Variants in ARHGAP39 observed in about 807,000 individuals in gnomAD.
The protein encoded by ARHGAP39 is Rho GTPase activating protein 39.
A neutral mutation model predicts 106.9 loss-of-function variants in ARHGAP39; 44 were observed. That is an observed-to-expected ratio of 0.41 (90% CI 0.32 to 0.53). ARHGAP39 has a LOEUF of 0.53. Among genes scored for constraint, ARHGAP39 ranks in the 20% least tolerant of loss-of-function variants. The probability of loss-of-function intolerance (pLI) is 0.21; values close to 1 mark genes in which losing one functional copy is unlikely to be tolerated. For synonymous variants in ARHGAP39, 768 were observed against 693.2 expected (o/e 1.11, Z -1.69); for missense variants, 1,496 against 1,577.3 (o/e 0.95, Z 0.87).
At chr8:144,562,305 G>C (rs139106592) in intron 3 of ARHGAP39, among the ~76,000 whole-genome samples, 21 of 61,536 alleles carry the variant, frequency 3.4e-4, no homozygotes, top group South Asian at 2.0e-3. Context: ...GTTTCCATCG[G>C]GCTCCAGTGG....
At chr8:144,680,490 C>T (rs989414678) in intron 1 of ARHGAP39, among the ~76,000 whole-genome samples, 5 of 152,098 alleles carry the variant, frequency 3.3e-5, no homozygotes, top group Admixed American at 6.5e-5. Context: ...GTCTGGAGTA[C>T]GGGTTAGGCC....
chr8:144,691,262 C>T, the ARHGAP39 span, among the ~76,000 whole-genome samples: 27 of 152,116 alleles, frequency 1.8e-4, 1 homozygote, highest in Admixed American at 1.6e-3. Flanking sequence ...CAAGTGGATC[C>T]AGGAGAGAGC....
At chr8:144,674,476 G>A (rs1822180713) in intron 1 of ARHGAP39, among the ~76,000 whole-genome samples, 1 of 152,232 alleles carries the variant, frequency 6.6e-6, no homozygotes, top group Admixed American at 6.5e-5. Flanking sequence ...CTTCAGAGGG[G>A]AGAAAGTATG....
At chr8:144,682,131 T>A (rs538429569) in intron 1 of ARHGAP39, among the ~76,000 whole-genome samples, 12 of 130,564 alleles carry the variant, frequency 9.2e-5, no homozygotes, top group Non-Finnish European at 1.7e-4. Context: ...TAGCCGGGCG[T>A]GGTGGCGGGA....
intron 3 of ARHGAP39, among the ~76,000 whole-genome samples, chr8:144,576,264 C>T (rs1039323131): frequency 3.8e-5 from 5 of 130,028 alleles, no homozygotes; most frequent in African/African-American, 1.4e-4. Context: ...ACCTGGGAGG[C>T]GGAGGTTGCA....
At chr8:144,602,077 CTG>C (rs1333205625) in intron 2 of ARHGAP39, among the ~76,000 whole-genome samples, 72 of 83,404 alleles carry the variant, frequency 8.6e-4, no homozygotes, top group Admixed American at 1.3e-3. Context: ...GCTCATGTAC[CTG>C]TGTGTGGAGG....
At chr8:144,658,819 C>G (rs1338287276) in intron 1 of ARHGAP39, among the ~76,000 whole-genome samples, 2 of 151,892 alleles carry the variant, frequency 1.3e-5, no homozygotes, top group African/African-American at 4.8e-5. Context: ...TATTCATAGA[C>G]AAAATGATTA....
intron 2 of ARHGAP39, among the ~76,000 whole-genome samples, chr8:144,596,346 G>A (rs534418466): frequency 4.8e-5 from 7 of 146,190 alleles, no homozygotes; most frequent in Non-Finnish European, 9.0e-5. Context: ...CCACCCCGGC[G>A]CTGTCCACCA....
chr8:144,593,440 G>A (rs573837533), intron 2 of ARHGAP39, among the ~76,000 whole-genome samples: 5 of 152,194 alleles, frequency 3.3e-5, no homozygotes, highest in South Asian at 4.2e-4. Context: ...CAAAGTAGAC[G>A]AAAGGTCTCA....
chr8:144,655,249 A>G (rs1821666415), intron 1 of ARHGAP39, among the ~76,000 whole-genome samples: 1 of 151,812 alleles, frequency 6.6e-6, no homozygotes, highest in Non-Finnish European at 1.5e-5. Flanking sequence ...CCTTTTCCAG[A>G]CCCACCCATG....
At position 144,534,077 on chromosome 8, in the gene ARHGAP39, A is replaced by T. The variant is rs1816850261; in HGVS notation, c.2688+52T>A. On this transcript the variant is annotated intron_variant, in intron 8 of 11. Transcript: ENST00000377307. ...GCGGGGCTCCTGGGGCTGTCCACCAAGGGTCTCTGTGTCCCCGCCTGCCCT... is the reference window on the plus strand; with the variant it reads ...GCGGGGCTCCTGGGGCTGTCCACCATGGGTCTCTGTGTCCCCGCCTGCCCT... 3 of 1,596,344 alleles carry T rather than the reference A, an allele frequency of 1.9e-6. No homozygotes were observed. The Admixed American group carries it at 5.0e-5, about 27-fold the overall frequency.
rs531618611 is a variant in ARHGAP39, at chr8:144,683,820, T to C, written c.-82+1866A>G. ...GCTTAATGTAAACTTCCAGTTTACA[T>C]TACATTGGCAGTGCTGGAGAAACTG... On this transcript the variant is annotated intron_variant, in intron 1 of 11. Transcript: ENST00000377307. Among the ~76,000 whole-genome samples, 45 of 152,158 alleles carry C rather than the reference T, an allele frequency of 3.0e-4. 1 individual carries two copies. The highest frequency in any genetic ancestry group is 1.0e-3 in the African/African-American group (42 of 41,522).
At chr8:144,642,058 A>C (rs963596745) in intron 1 of ARHGAP39, among the ~76,000 whole-genome samples, 1 of 152,234 alleles carries the variant, frequency 6.6e-6, no homozygotes, top group African/African-American at 2.4e-5. Flanking sequence ...ATAGAATACT[A>C]ACACAGATGT....
intron 2 of ARHGAP39, among the ~76,000 whole-genome samples, chr8:144,603,932 C>T (rs192244606): frequency 1.3e-5 from 2 of 152,100 alleles, no homozygotes; most frequent in East Asian, 1.9e-4. Flanking sequence ...CCTATCTGGG[C>T]GCTTATGCAC....
Position 144,548,124 on chromosome 8 carries a change from T to G in ARHGAP39, c.962A>C (p.Gln321Pro), listed in dbSNP as rs369916239. 13 of 1,579,012 alleles carry G rather than the reference T, an allele frequency of 8.2e-6. No homozygotes were observed. Among genetic ancestry groups the G allele is most frequent in the South Asian group, 1.2e-5 (1 of 86,454 alleles). ...PLYEEPPVEY[Q>P]APIYDEPPMD... ...GGGGGGCTCATCGTAGATGGGGGCC[T>G]GGTACTCCACTGGGGGCTCCTCGTA... Residue 321 changes from glutamine (Q) to proline (P), a missense_variant, in exon 5 of 12, where the codon CAG (glutamine) becomes CCG (proline). Transcript: ENST00000377307. This position sits in a 1 kb window ranked among gnomAD's most constrained non-coding sequence, Gnocchi z 7.4.
Position 144,639,842 on chromosome 8 carries a change from T to C in ARHGAP39, c.-81-34147A>G, listed in dbSNP as rs1004887502. 3.3e-5 allele frequency among the ~76,000 whole-genome samples: 5 copies of C among 152,310 alleles called. No homozygotes were observed. The South Asian group carries it at 8.3e-4, about 25-fold the overall frequency. On this transcript the variant is annotated intron_variant, in intron 1 of 11. Coordinates refer to ENST00000377307, the MANE Select transcript of ARHGAP39 (RefSeq NM_025251.3). ...GGCTGTCCAGTGTCAGGAAGCCGCA[T>C]TTAAAACATTAACATCCTCACACAA... is the stretch of plus-strand genomic sequence containing the variant.
intron 1 of ARHGAP39, among the ~76,000 whole-genome samples, chr8:144,638,274 T>C (rs1821225724): frequency 6.6e-6 from 1 of 152,246 alleles, no homozygotes; most frequent in South Asian, 2.1e-4. Flanking sequence ...TGATTGCTTT[T>C]AAAATCTTCT....
chr8:144,593,083 G>A (rs1433981060), intron 2 of ARHGAP39, among the ~76,000 whole-genome samples: 1 of 152,212 alleles, frequency 6.6e-6, no homozygotes, highest in Non-Finnish European at 1.5e-5. Context: ...CGATCCCCAG[G>A]GGACTCAGGG....
intron 2 of ARHGAP39, among the ~76,000 whole-genome samples, chr8:144,584,990 TG>T (rs1563688000): frequency 6.6e-6 from 1 of 152,096 alleles, no homozygotes; most frequent in Non-Finnish European, 1.5e-5. Flanking sequence ...ATCACCTCTT[TG>T]TTGGCTCTGC....
Sources: gnomAD v4.1 joint callset for allele counts (sites outside exome capture counted in the v4.1 genomes callset) on GRCh38, gnomAD v4.1.1 for gene constraint, Gnocchi (gnomAD v3.1) non-coding constraint, MANE v1.5 for transcripts, NCBI Gene and HGNC (gene_info 2026-07-23, HGNC 2026-07-21) for gene names.